PCDHGA2: variants seen among roughly 807,000 people sequenced by gnomAD.
PCDHGA2 encodes protocadherin gamma subfamily A, 2.
A neutral mutation model predicts 59.2 loss-of-function variants in PCDHGA2; 40 were observed. The observed-to-expected ratio is 0.68, with a 90% CI of 0.52 to 0.88. PCDHGA2 has a LOEUF of 0.88. Among genes scored for constraint, PCDHGA2 ranks in the 40% least tolerant of loss-of-function variants. PCDHGA2 has a pLI of 0.00. For missense variants in PCDHGA2, 1,226 were observed against 1,204.0 expected (o/e 1.02, Z -0.27); for synonymous variants, 560 against 526.0 (o/e 1.06, Z -0.89).
At chr5:141,343,385 A>C in intron 1 of PCDHGA2, 1 of 981,946 alleles carries the variant, frequency 1.0e-6, no homozygotes, top group Non-Finnish European at 1.2e-6. Context: ...AAGGTCAAAG[A>C]GGAGGTGGAT....
rs766038218 is a variant in PCDHGA2 at position 141,398,581 on chromosome 5, T to C, written c.2424+57186T>C. The stretch of plus-strand genomic sequence containing the variant: ...TGAGTCTGCACAGCCTGGCACAAGA[T>C]TTATACTAGAAGTAGCAGAAGATGC... On this transcript the variant is annotated intron_variant, in intron 1 of 3. Transcript: ENST00000394576. The C allele has an allele frequency of 1.2e-5, 20 of 1,614,028 alleles. No individual in the cohort carries two copies. In the Admixed American group the frequency reaches 2.2e-4, roughly 17 times the overall value.
intron 1 of PCDHGA2, chr5:141,357,734 T>G: frequency 7.5e-7 from 1 of 1,340,180 alleles, no homozygotes. Context: ...TTTAATATTT[T>G]ATTGCTTTAA....
At position 141,476,518 on chromosome 5, in the gene PCDHGA2, T is replaced by C; in HGVS notation, c.2425-18289T>C. 1 of 1,614,214 alleles carries C rather than the reference T, an allele frequency of 6.2e-7. No individual in the cohort carries two copies. Among genetic ancestry groups the C allele is most frequent in the Non-Finnish European group, 8.5e-7 (1 of 1,180,038 alleles). ...AGGACATCAACGACAACAATCCTGC[T>C]TTCCCTACCCAGGAAATGAAATTGG... is the stretch of plus-strand genomic sequence containing the variant. On this transcript the variant is annotated intron_variant, in intron 1 of 3. Transcript: ENST00000394576. This position sits in a 1 kb window ranked among gnomAD's most constrained non-coding sequence, Gnocchi z 7.6.
intron 1 of PCDHGA2, chr5:141,399,646 AGT>A: frequency 6.2e-7 from 1 of 1,613,790 alleles, no homozygotes; most frequent in African/African-American, 1.3e-5. Context: ...GAGCGCGCAA[AGT>A]GGGGTGGTGT....
At chr5:141,498,361 T>C (rs1256361883) in intron 2 of PCDHGA2, among the ~76,000 whole-genome samples, 1 of 151,460 alleles carries the variant, frequency 6.6e-6, no homozygotes, top group African/African-American at 2.4e-5. Flanking sequence ...GCAAAAGCCT[T>C]GTGGTGAGGC....
intron 1 of PCDHGA2, chr5:141,418,673 G>A (rs2096279740): frequency 5.0e-6 from 8 of 1,614,026 alleles, no homozygotes; most frequent in Non-Finnish European, 6.8e-6. Context: ...CCAGGACGAG[G>A]GCATCAACTC....
intron 1 of PCDHGA2, chr5:141,403,447 C>G (rs1382965437): frequency 6.2e-7 from 1 of 1,613,924 alleles, no homozygotes; most frequent in Non-Finnish European, 8.5e-7. Context: ...TTGGCGTGAA[C>G]TCCCTCCAGA....
intron 1 of PCDHGA2, chr5:141,399,285 C>G (rs751998465): frequency 6.2e-7 from 1 of 1,613,838 alleles, no homozygotes; most frequent in Non-Finnish European, 8.5e-7. Flanking sequence ...AAGGCGAAGT[C>G]CCTTTTAAGA....
At chr5:141,446,202 G>T (rs780900822) in intron 1 of PCDHGA2, among the ~76,000 whole-genome samples, 13 of 152,094 alleles carry the variant, frequency 8.5e-5, no homozygotes, top group Non-Finnish European at 1.8e-4. Context: ...ATATTCCTAG[G>T]TGTCTGAAAA....
intron 1 of PCDHGA2, among the ~76,000 whole-genome samples, chr5:141,472,980 C>CAAAAAAAAAAAAAAAAAGAAAAAAA (rs2099309731): frequency 1.2e-5 from 1 of 86,102 alleles, no homozygotes; most frequent in African/African-American, 3.9e-5. Flanking sequence ...GAGTGAAACT[C>CAAAAAAAAAAAAAAAAAGAAAAAAA]AAAAAAAAAA....
intron 2 of PCDHGA2, among the ~76,000 whole-genome samples, chr5:141,499,868 A>G (rs2099794957): frequency 6.6e-6 from 1 of 152,024 alleles, no homozygotes; most frequent in Non-Finnish European, 1.5e-5. Context: ...TTGTATTTTC[A>G]GTACAAACAG....
intron 1 of PCDHGA2, chr5:141,426,664 A>G (rs886265350): frequency 2.3e-6 from 1 of 429,248 alleles, no homozygotes; most frequent in Admixed American, 2.5e-5. Flanking sequence ...GATATAAATG[A>G]TAACCCACCT....
In PCDHGA2 at chr5:141,418,244, C is replaced by T. The variant is rs746986702; in HGVS notation, c.2425-76563C>T. 1.3e-5 allele frequency: 21 copies of T among 1,613,980 alleles called. No individual in the cohort carries two copies. The South Asian group carries it at 2.2e-4, about 17-fold the overall frequency. ...TGTGGTGATTGAGGATGTTAATGAC[C>T]ACGCCCCTCAATTCCGGAAAGATGA... is the stretch of plus-strand genomic sequence containing the variant. On this transcript the variant is annotated intron_variant, in intron 1 of 3. Transcript: ENST00000394576.
intron 1 of PCDHGA2, among the ~76,000 whole-genome samples, chr5:141,458,871 T>C (rs2098955493): frequency 6.6e-6 from 1 of 152,210 alleles, no homozygotes; most frequent in African/African-American, 2.4e-5. Flanking sequence ...TAGCTGGGAC[T>C]ACAGGCATGC....
intron 1 of PCDHGA2, chr5:141,408,352 C>T: frequency 6.2e-7 from 1 of 1,613,918 alleles, no homozygotes; most frequent in South Asian, 1.1e-5. Flanking sequence ...TGGGGAACCT[C>T]GCTAAGGATC....
chr5:141,413,043 C>A, intron 1 of PCDHGA2: 1 of 864,340 alleles, frequency 1.2e-6, no homozygotes, highest in Non-Finnish European at 1.7e-6. Flanking sequence ...TGCTGGGCTG[C>A]AGGGAAGCTC....
In PCDHGA2 at chr5:141,476,762, G is replaced by A. The variant is rs1338892879; in HGVS notation, c.2425-18045G>A. The A allele has an allele frequency of 6.2e-7, 1 of 1,613,848 alleles. No individual in the cohort carries two copies. ...GCCTAGTCTCCAGTTAGTGCTGACG[G>A]CGTTGGACGGAGGGACCCCAGCTCT... On this transcript the variant is annotated intron_variant, in intron 1 of 3. Coordinates refer to ENST00000394576, the MANE Select transcript of PCDHGA2 (RefSeq NM_018915.4). The surrounding 1 kb of genome is among the most constrained non-coding windows in gnomAD (Gnocchi z 7.6).
chr5:141,347,137 C>CTCTGTCTTTCTTTCTTTCTTTCTTTCTT (rs375338309), intron 1 of PCDHGA2, among the ~76,000 whole-genome samples: 2 of 113,834 alleles, frequency 1.8e-5, no homozygotes, highest in African/African-American at 7.7e-5. Flanking sequence ...CTCTGTTTCT[C>CTCTGTCTTTCTTTCTTTCTTTCTTTCTT]TCTTTCTTTC....
At chr5:141,394,290 G>C (rs759077173) in intron 1 of PCDHGA2, 5 of 1,613,918 alleles carry the variant, frequency 3.1e-6, no homozygotes, top group Admixed American at 1.7e-5. Context: ...CTCTGTGACC[G>C]AGGACACGCT....
Sources: allele counts gnomAD v4.1 joint callset (sites outside exome capture counted in the v4.1 genomes callset), GRCh38; gene constraint gnomAD v4.1.1; non-coding constraint Gnocchi (gnomAD v3.1); transcripts MANE v1.5; gene names NCBI Gene and HGNC (gene_info 2026-07-23, HGNC 2026-07-21).